MAP7: variants seen among roughly 807,000 people sequenced by gnomAD.
MAP7 encodes microtubule associated protein 7.
MAP7 carries 52 observed loss-of-function variants against 94.8 expected under a neutral mutation model. The observed-to-expected ratio is 0.55, with a 90% CI of 0.44 to 0.69. The LOEUF is 0.69. MAP7 is among the 30% of genes least tolerant of loss of function. MAP7 has a pLI of 0.00. For synonymous variants in MAP7, 350 were observed against 357.0 expected, an observed-to-expected ratio of 0.98 and a Z score of 0.22; for missense variants, 940 against 964.6, an observed-to-expected ratio of 0.97 and a Z score of 0.34.
chr6:136,394,937 T>TATATATATATATATA (rs1562350047), intron 3 of MAP7, among the ~76,000 whole-genome samples: 2 of 84,436 alleles, frequency 2.4e-5, no homozygotes, highest in African/African-American at 5.6e-5. Context: ...CCATCATATA[T>TATATATATATATATA]ATATATATAT....
intron 1 of MAP7, among the ~76,000 whole-genome samples, chr6:136,495,582 G>C (rs989537002): frequency 6.6e-6 from 1 of 152,092 alleles, no homozygotes; most frequent in Non-Finnish European, 1.5e-5. Context: ...AAAAGTTTCA[G>C]ATTTTGGAGC....
chr6:136,455,025 A>C (rs1802443578), intron 1 of MAP7, among the ~76,000 whole-genome samples: 1 of 152,058 alleles, frequency 6.6e-6, no homozygotes, highest in South Asian at 2.1e-4. Flanking sequence ...CTCCTTAAAG[A>C]CTATATAGTA....
chr6:136,534,378 G>A (rs1358592267), intron 1 of MAP7, among the ~76,000 whole-genome samples: 1 of 152,114 alleles, frequency 6.6e-6, no homozygotes, highest in African/African-American at 2.4e-5. Context: ...CCCACCCATA[G>A]CCAGGATAAT....
intron 1 of MAP7, among the ~76,000 whole-genome samples, chr6:136,469,182 T>C (rs181592439): frequency 7.2e-4 from 110 of 152,264 alleles, no homozygotes; most frequent in African/African-American, 2.5e-3. Flanking sequence ...GCCACTGTCA[T>C]AGAAAGAGGC....
rs778692187 is a variant in MAP7 at position 136,359,873 on chromosome 6, G to A, written c.1859C>T (p.Thr620Ile). ...TRRTEATDKK[T>I]SDQRNGDIAK... The stretch of plus-strand genomic sequence containing the variant: ...TATATCACCGTTTCTCTGATCACTG[G>A]TTTTCTACGAAGAAGAAAAAAAGAG... Residue 620 changes from threonine (T) to isoleucine (I), a missense_variant, in exon 15 of 18, where the codon ACC becomes ATC. Coordinates refer to ENST00000354570, the MANE Select transcript of MAP7 (RefSeq NM_003980.6). 6.2e-7 allele frequency: 1 copy of A among 1,613,298 alleles called. No individual in the cohort carries two copies. Among genetic ancestry groups the A allele is most frequent in the Non-Finnish European group, 8.5e-7 (1 of 1,179,828 alleles).
At chr6:136,345,803 C>T (rs1407798629) in intron 17 of MAP7, 53 bp downstream of exon 17, 1 of 1,416,836 alleles carries the variant, frequency 7.1e-7, no homozygotes, top group Non-Finnish European at 1.0e-6. Flanking sequence ...TCGTGTCCTC[C>T]TGGGTGTCAG....
In MAP7 at chr6:136,360,718, T is replaced by C. The variant is rs34795045; in HGVS notation, c.1782A>G (p.Gln594=). 12,524 of 1,614,190 alleles carry C rather than the reference T, an allele frequency of 7.8e-3. 230 individuals are homozygous for C. The highest frequency in any genetic ancestry group is 0.05 in the Admixed American group (2,977 of 60,020). ...EREKHFQREE[Q]ERLERKKRLE... is the part of the protein sequence containing the mutation. ...CTACCTTCTTTCTCTCCAGGCGCTC[T>C]TGCTCTTCTCTCTGGAAATGCTTCT... Residue 594 remains glutamine, a synonymous_variant, in exon 13 of 18, where the codon CAA becomes CAG. Transcript: ENST00000354570.
At chr6:136,447,738 C>G (rs1799772780) in intron 1 of MAP7, among the ~76,000 whole-genome samples, 1 of 152,142 alleles carries the variant, frequency 6.6e-6, no homozygotes, top group African/African-American at 2.4e-5. Flanking sequence ...TCAATATCAA[C>G]TTATCCTGAA....
At chr6:136,415,100 C>T (rs1176825095) in intron 2 of MAP7, among the ~76,000 whole-genome samples, 3 of 151,978 alleles carry the variant, frequency 2.0e-5, no homozygotes, top group Non-Finnish European at 4.4e-5. Context: ...CCACCATGCC[C>T]GATCTCGGCT....
chr6:136,372,076 C>T lies in MAP7; in HGVS notation c.876+425G>A, dbSNP rs893629915. On this transcript the variant is annotated intron_variant, in intron 8 of 17. Transcript: ENST00000354570. ...ATTCTTTATCTTGCTTTTGAGTGAA[C>T]CACATTTAGAGTTCAGCCAGCTTCT... Among the ~76,000 whole-genome samples the T allele has an allele frequency of 3.9e-5, 6 of 152,164 alleles. 1 individual carries two copies. The highest frequency in any genetic ancestry group is 1.4e-4 in the African/African-American group (6 of 41,448).
intron 12 of MAP7, 93 bp downstream of exon 12, chr6:136,360,912 G>C (rs563738953): frequency 9.1e-6 from 14 of 1,546,130 alleles, no homozygotes; most frequent in African/African-American, 6.8e-5. Context: ...TGGAAAGCGG[G>C]AGCACCAGCA....
chr6:136,528,153 C>T (rs1359610613), intron 1 of MAP7, among the ~76,000 whole-genome samples: 1 of 152,166 alleles, frequency 6.6e-6, no homozygotes, highest in East Asian at 1.9e-4. Flanking sequence ...GACCATCTTC[C>T]TCCTAGTCCA....
intron 1 of MAP7, among the ~76,000 whole-genome samples, chr6:136,548,165 T>C (rs1829881339): frequency 7.3e-6 from 1 of 136,200 alleles, no homozygotes; most frequent in Admixed American, 8.6e-5. Context: ...ACTTGCAGTA[T>C]TTGGATGTGT....
Position 136,365,801 on chromosome 6 carries a change from G to T in MAP7, c.1207C>A (p.Pro403Thr). 2.5e-6 allele frequency: 4 copies of T among 1,614,110 alleles called. No individual in the cohort carries two copies. The South Asian group carries it at 4.4e-5, about 18-fold the overall frequency. Reference protein sequence around the residue: ...ANEPSLKGRAPLVKVEEATVE... With the variant: ...ANEPSLKGRATLVKVEEATVE... ...GTGGCTTCTTCTACCTTCACTAAAG[G>T]TGCTCTGCCCTTTAGTGAGGGCTCA... The change falls in exon 10 of 18, where the codon CCT becomes ACT. Residue 403 changes from proline to threonine, a missense_variant. Physicochemically the swap from Pro to Thr is conservative, Grantham distance 38. Coordinates refer to ENST00000354570, the MANE Select transcript of MAP7 (RefSeq NM_003980.6).
At chr6:136,398,413 C>T (rs576703530) in intron 3 of MAP7, among the ~76,000 whole-genome samples, 13 of 152,204 alleles carry the variant, frequency 8.5e-5, no homozygotes, top group African/African-American at 1.2e-4. Flanking sequence ...ACAGCCTTTA[C>T]GATAATCAAT....
intron 1 of MAP7, among the ~76,000 whole-genome samples, chr6:136,423,576 G>GCT (rs999569392): frequency 6.6e-6 from 1 of 152,048 alleles, no homozygotes; most frequent in African/African-American, 2.4e-5. Flanking sequence ...ACCTCCTGGT[G>GCT]CTCTCAGGTA....
intron 3 of MAP7, among the ~76,000 whole-genome samples, chr6:136,407,504 AT>A (rs1467240231): frequency 5.9e-5 from 9 of 152,344 alleles, no homozygotes; most frequent in Non-Finnish European, 8.8e-5. Flanking sequence ...CAGTAAATGT[AT>A]TAGCCTGAAC....
Position 136,360,048 on chromosome 6 carries a change from A to G in MAP7, c.1804-17T>C. On this transcript the variant is annotated splice_polypyrimidine_tract_variant and intron_variant, in intron 13 of 17. Coordinates refer to ENST00000354570, the MANE Select transcript of MAP7 (RefSeq NM_003980.6). ...CTCAAGTCGCTATAGGAAAGGAAGA[A>G]TTGAGCAAGAAGATTAGACACAGAA... The G allele has an allele frequency of 1.2e-6, 2 of 1,602,056 alleles. No individual in the cohort carries two copies. The highest frequency in any genetic ancestry group is 1.7e-6 in the Non-Finnish European group (2 of 1,174,394).
chr6:136,438,071 TAACTC>T, intron 1 of MAP7, among the ~76,000 whole-genome samples: 1 of 152,162 alleles, frequency 6.6e-6, no homozygotes, highest in South Asian at 2.1e-4. Context: ...GTAAAAGAAA[TAACTC>T]CACCACACCA....
Sources: gnomAD v4.1 joint callset for allele counts (sites outside exome capture counted in the v4.1 genomes callset) on GRCh38, gnomAD v4.1.1 for gene constraint, MANE v1.5 for transcripts, NCBI Gene and HGNC (gene_info 2026-07-23, HGNC 2026-07-21) for gene names.